Variants in AK5 observed in about 807,000 individuals in gnomAD.
AK5 encodes adenylate kinase isoenzyme 5.
AK5 carries 27 observed loss-of-function variants against 69.5 expected under a neutral mutation model. That is an observed-to-expected ratio of 0.39 (90% CI 0.29 to 0.54). The LOEUF is 0.54. Among genes scored for constraint, AK5 ranks in the 20% least tolerant of loss-of-function variants. The pLI is 0.71. For missense variants in AK5, 531 were observed against 700.4 expected, an observed-to-expected ratio of 0.76 and a Z score of 2.73; for synonymous variants, 260 against 244.4, an observed-to-expected ratio of 1.06 and a Z score of -0.60.
At position 77,303,590 on chromosome 1, in the gene AK5, C is replaced by A. The variant is rs75958140; in HGVS notation, c.699+5643C>A. Among the ~76,000 whole-genome samples the A allele has an allele frequency of 3.1e-3, 465 of 152,312 alleles. 4 individuals carry two copies. The highest frequency in any genetic ancestry group is 0.011 in the African/African-American group (449 of 41,568). ...GACATCACACTTCCTGTCGCCACTG[C>A]GAAACTCCACTGTACCTTTGTGAGA... On this transcript the variant is annotated intron_variant, in intron 5 of 13. Coordinates refer to ENST00000354567, the MANE Select transcript of AK5 (RefSeq NM_174858.3).
chr1:77,313,873 G>A (rs1353185762), intron 5 of AK5: 4 of 532,344 alleles, frequency 7.5e-6, no homozygotes, highest in Admixed American at 3.9e-5. Flanking sequence ...GGTATGTCCA[G>A]TCCGTCAAGA....
At chr1:77,471,287 C>G (rs1654494540) in intron 8 of AK5, among the ~76,000 whole-genome samples, 1 of 152,072 alleles carries the variant, frequency 6.6e-6, no homozygotes, top group Admixed American at 6.6e-5. Context: ...AGGCACATCC[C>G]CTAAGCCCTA....
intron 6 of AK5, among the ~76,000 whole-genome samples, chr1:77,404,084 A>G (rs1364956982): frequency 6.6e-6 from 1 of 152,166 alleles, no homozygotes; most frequent in African/African-American, 2.4e-5. Context: ...TTCACTCATG[A>G]TTTGGCTCTC....
intron 8 of AK5, among the ~76,000 whole-genome samples, chr1:77,470,891 T>G (rs1654464217): frequency 1.1e-5 from 1 of 91,634 alleles, no homozygotes; most frequent in South Asian, 5.2e-4. Flanking sequence ...TTTTTTTTTT[T>G]TTTTTTTGAG....
chr1:77,525,342 T>C (rs990181711), intron 12 of AK5, among the ~76,000 whole-genome samples: 17 of 152,228 alleles, frequency 1.1e-4, no homozygotes, highest in African/African-American at 3.9e-4. Context: ...GTTAGTCCGT[T>C]CGCATTGCTA....
rs1397852383 is a variant in AK5, at chr1:77,287,052, A to G, written c.172A>G (p.Thr58Ala). Reference protein sequence around the residue: ...LGGCDKVKWDTFVSQEKKTLP... With the variant: ...LGGCDKVKWDAFVSQEKKTLP... ...TGGCTGTGACAAGGTGAAATGGGATACATTTGTAAGCCAGGAAAAGAAGAC... is the reference window on the plus strand; with the variant it reads ...TGGCTGTGACAAGGTGAAATGGGATGCATTTGTAAGCCAGGAAAAGAAGAC... Residue 58 changes from threonine (T) to alanine (A), a missense_variant, in exon 2 of 14, where the codon ACA becomes GCA. Transcript: ENST00000354567. 3.7e-6 allele frequency: 6 copies of G among 1,610,106 alleles called. No homozygotes were observed. The East Asian group carries it at 1.3e-4, about 36-fold the overall frequency.
In AK5 at chr1:77,340,511, C is replaced by A; in HGVS notation, c.834C>A (p.Phe278Leu). The change falls in exon 6 of 14, where the codon TTC becomes TTA. Residue 278 changes from phenylalanine (F) to leucine (L), a missense_variant. Transcript: ENST00000354567. The part of the protein sequence containing the change: ...VKATQRRLMN[F>L]KQNAAPLVKY... Reference sequence around the variant, plus strand: ...CTACCCAAAGGAGACTAATGAACTTCAAGCAGAATGCTGCTCCATTGGTTA... The same window carrying A: ...CTACCCAAAGGAGACTAATGAACTTAAAGCAGAATGCTGCTCCATTGGTTA... 1 of 1,614,138 alleles carries A rather than the reference C, an allele frequency of 6.2e-7. No homozygotes were observed. The highest frequency in any genetic ancestry group is 8.5e-7 in the Non-Finnish European group (1 of 1,179,998).
At chr1:77,444,654 C>T (rs1418314573) in intron 8 of AK5, among the ~76,000 whole-genome samples, 27 of 112,014 alleles carry the variant, frequency 2.4e-4, no homozygotes, top group South Asian at 1.1e-3. Flanking sequence ...ATAGTATATA[C>T]ATAGTATAAA....
At chr1:77,402,858 G>C (rs1649330930) in intron 6 of AK5, among the ~76,000 whole-genome samples, 1 of 152,176 alleles carries the variant, frequency 6.6e-6, no homozygotes, top group Non-Finnish European at 1.5e-5. Flanking sequence ...CTAGATCCCT[G>C]AGGAATCGCC....
At chr1:77,292,953 C>T (rs1658773750) in intron 2 of AK5, among the ~76,000 whole-genome samples, 1 of 152,142 alleles carries the variant, frequency 6.6e-6, no homozygotes, top group Admixed American at 6.6e-5. Context: ...ACTGAAGGGA[C>T]AGGTCTACAT....
At chr1:77,286,739 C>T (rs576514395) in intron 1 of AK5, among the ~76,000 whole-genome samples, 4 of 152,022 alleles carry the variant, frequency 2.6e-5, no homozygotes, top group South Asian at 2.1e-4. Context: ...CCCAGCTACT[C>T]GGGAGGCTGA....
intron 13 of AK5, among the ~76,000 whole-genome samples, chr1:77,544,615 A>T (rs1659445164): frequency 6.6e-6 from 1 of 151,628 alleles, no homozygotes; most frequent in Non-Finnish European, 1.5e-5. Flanking sequence ...CTGCCTACAC[A>T]GGGTTAGAAT....
chr1:77,457,017 T>C (rs1038917323), intron 8 of AK5, among the ~76,000 whole-genome samples: 4 of 152,206 alleles, frequency 2.6e-5, no homozygotes, highest in African/African-American at 9.6e-5. Context: ...ACAGTTTGCC[T>C]GGGTTTTTAA....
intron 10 of AK5, among the ~76,000 whole-genome samples, chr1:77,492,124 C>T (rs980555638): frequency 5.9e-5 from 9 of 152,082 alleles, no homozygotes; most frequent in African/African-American, 2.2e-4. Context: ...GTGCTTTTCC[C>T]AAAACAAAAG....
At chr1:77,342,100 A>C (rs1661685472) in intron 6 of AK5, among the ~76,000 whole-genome samples, 1 of 152,090 alleles carries the variant, frequency 6.6e-6, no homozygotes, top group Non-Finnish European at 1.5e-5. Context: ...GGGTTTCACC[A>C]TGTTGGCCAG....
rs540033421 is a variant in AK5, at chr1:77,350,964, A to G, written c.891+10396A>G. Among the ~76,000 whole-genome samples, 4 of 152,372 alleles carry G rather than the reference A, an allele frequency of 2.6e-5. No homozygotes were observed. The South Asian group carries it at 8.3e-4, about 32-fold the overall frequency. ...ATTAAGTAAGTTAATGAATTAATTC[A>G]ATCGTTATACATGGAACCATTTATT... On this transcript the variant is annotated intron_variant, in intron 6 of 13. Coordinates refer to ENST00000354567, the MANE Select transcript of AK5 (RefSeq NM_174858.3).
chr1:77,309,549 T>C (rs756538618), intron 5 of AK5, among the ~76,000 whole-genome samples: 1 of 152,172 alleles, frequency 6.6e-6, no homozygotes, highest in Non-Finnish European at 1.5e-5. Context: ...CTCATCCTTA[T>C]AACGATTTCA....
intron 6 of AK5, among the ~76,000 whole-genome samples, chr1:77,400,973 T>C (rs1185082302): frequency 6.7e-6 from 1 of 149,942 alleles, no homozygotes; most frequent in Non-Finnish European, 1.5e-5. Context: ...CCGCCAAGCT[T>C]GGTTCAGCAG....
intron 8 of AK5, among the ~76,000 whole-genome samples, chr1:77,459,754 A>G (rs12046197): frequency 0.019 from 2,941 of 152,342 alleles, 88 homozygotes; most frequent in East Asian, 0.12. Context: ...GCCTCAGTAC[A>G]TGGTGGCTAT....
Sources: gnomAD v4.1 joint callset for allele counts (sites outside exome capture counted in the v4.1 genomes callset) on GRCh38, gnomAD v4.1.1 for gene constraint, MANE v1.5 for transcripts, NCBI Gene and HGNC (gene_info 2026-07-23, HGNC 2026-07-21) for gene names.